Variants in VPS13B observed in about 807,000 individuals in gnomAD.
VPS13B encodes the protein vacuolar protein sorting 13 homolog B.
Under a neutral mutation model 426.4 loss-of-function variants are expected in VPS13B, and 285 were observed. The ratio of observed to expected loss-of-function variants is 0.67; its 90% CI spans 0.61 to 0.74. The LOEUF (loss-of-function observed/expected upper bound fraction) is 0.74, where lower values mean the gene tolerates loss of function less well. Ranked by LOEUF, VPS13B falls within the 30% of genes least tolerant of loss-of-function variation. The pLI is 0.00. For missense variants in VPS13B, 4,537 were observed against 4,782.6 expected (o/e 0.95, Z 1.51); for synonymous variants, 1,676 against 1,676.4 (o/e 1.00, Z 0.01).
intron 3 of VPS13B, among the ~76,000 whole-genome samples, chr8:99,040,858 G>C (rs534329825): frequency 4.6e-5 from 7 of 152,194 alleles, no homozygotes; most frequent in Admixed American, 2.6e-4. Context: ...AATCAGATAA[G>C]ATCATTCCAA....
At position 99,013,337 on chromosome 8, in the gene VPS13B, T is replaced by A. The variant is rs553602568; in HGVS notation, c.-40T>A. ...CTTGGAGGTGGAGGGGACGCGGCGG[T>A]ACTCTGGCGTGTGAGCCGAGGGTGG... On this transcript the variant is annotated 5_prime_UTR_variant, in exon 1 of 62. Coordinates refer to ENST00000357162, the MANE Select transcript of VPS13B (RefSeq NM_152564.5). 3.8e-6 allele frequency: 1 copy of A among 262,492 alleles called. No individual in the cohort carries two copies. The highest frequency in any genetic ancestry group is 7.5e-6 in the Non-Finnish European group (1 of 133,072). 16.3% of individuals were successfully genotyped at this position (262,492 alleles called of 1,614,324 possible). A position where few individuals can be genotyped will look rare whatever the true frequency, so the allele number is the denominator to read the frequency against.
intron 36 of VPS13B, among the ~76,000 whole-genome samples, chr8:99,716,355 C>T (rs1832920644): frequency 6.6e-6 from 1 of 152,002 alleles, no homozygotes; most frequent in African/African-American, 2.4e-5. Context: ...GAAAAATAAG[C>T]CATGGGCATT....
chr8:99,267,085 A>G (rs1818346883), intron 17 of VPS13B, among the ~76,000 whole-genome samples: 1 of 152,156 alleles, frequency 6.6e-6, no homozygotes, highest in Non-Finnish European at 1.5e-5. Flanking sequence ...AACTTCCTAG[A>G]GCTTTGGAAG....
intron 3 of VPS13B, among the ~76,000 whole-genome samples, chr8:99,054,687 T>C (rs1287585265): frequency 6.6e-6 from 1 of 152,206 alleles, no homozygotes; most frequent in Admixed American, 6.5e-5. Flanking sequence ...AGTTTTAAAG[T>C]TTTAGCTCTT....
chr8:99,595,154 A>G (rs752975639), intron 33 of VPS13B, among the ~76,000 whole-genome samples: 1 of 151,908 alleles, frequency 6.6e-6, no homozygotes, highest in Non-Finnish European at 1.5e-5. Context: ...TGAGTGCCCT[A>G]TATTTTTTTG....
At chr8:99,746,419 G>A (rs554456906) in intron 39 of VPS13B, among the ~76,000 whole-genome samples, 2 of 152,056 alleles carry the variant, frequency 1.3e-5, no homozygotes, top group Non-Finnish European at 2.9e-5. Context: ...ACTATGGTTT[G>A]TCAGCAATTT....
chr8:99,142,455 A>G (rs1810480713), intron 12 of VPS13B, among the ~76,000 whole-genome samples: 2 of 152,178 alleles, frequency 1.3e-5, no homozygotes, highest in Admixed American at 6.5e-5. Context: ...ATTCTGTACC[A>G]TGGAACATCG....
chr8:99,592,178 G>A (rs1018908335), intron 33 of VPS13B, among the ~76,000 whole-genome samples: 12 of 151,894 alleles, frequency 7.9e-5, no homozygotes, highest in African/African-American at 1.2e-4. Flanking sequence ...GTCATTTAAG[G>A]TCTTCTCTAC....
rs1435218164 is a variant in VPS13B at position 99,777,008 on chromosome 8, C to T, written c.7429+52C>T. On this transcript the variant is annotated intron_variant, in intron 41 of 61. Transcript: ENST00000357162. Reference sequence around the variant, plus strand: ...ACATCCATTTAATACTTACCATTTTCTCTTGAGTGTTTTCAAAAGAGAAGT... The same window carrying T: ...ACATCCATTTAATACTTACCATTTTTTCTTGAGTGTTTTCAAAAGAGAAGT... The T allele has an allele frequency of 2.6e-6, 4 of 1,568,536 alleles. No individual in the cohort carries two copies. The Middle Eastern group carries it at 5.0e-4, about 197-fold the overall frequency.
At chr8:99,274,424 C>T in intron 18 of VPS13B, 92 bp downstream of exon 18, 1 of 1,579,536 alleles carries the variant, frequency 6.3e-7, no homozygotes, top group Non-Finnish European at 8.7e-7. Flanking sequence ...CAAGAATTTA[C>T]TCACTGTTGC....
intron 23 of VPS13B, 26 bp from the exon 24 acceptor site, chr8:99,467,388 C>G: frequency 1.9e-6 from 3 of 1,602,800 alleles, no homozygotes; most frequent in Non-Finnish European, 2.6e-6. Context: ...GTGTGCTTCC[C>G]TATTCCCTTT....
intron 23 of VPS13B, among the ~76,000 whole-genome samples, chr8:99,456,322 C>T (rs1418278151): frequency 6.6e-6 from 1 of 152,004 alleles, no homozygotes; most frequent in Non-Finnish European, 1.5e-5. Flanking sequence ...GCGTGCACCA[C>T]TATGCCCAGC....
Position 99,467,311 on chromosome 8 carries a change from G to A in VPS13B, c.3446-103G>A, listed in dbSNP as rs902304018. The A allele has an allele frequency of 5.1e-6, 6 of 1,166,552 alleles. No individual in the cohort carries two copies. In the African/African-American group the frequency reaches 7.6e-5, roughly 15 times the overall value. 72.3% of individuals were successfully genotyped at this position (1,166,552 alleles called of 1,614,324 possible). A position where few individuals can be genotyped will look rare whatever the true frequency, so the allele number is the denominator to read the frequency against. On this transcript the variant is annotated intron_variant, in intron 23 of 61. Coordinates refer to ENST00000357162, the MANE Select transcript of VPS13B (RefSeq NM_152564.5). ...TACTATATTCACTTTTTATGATGCA[G>A]TATTAGTCATAAATGTTAAATGTTT...
At chr8:99,024,676 A>T (rs186452491) in intron 2 of VPS13B, among the ~76,000 whole-genome samples, 1 of 152,292 alleles carries the variant, frequency 6.6e-6, no homozygotes, top group East Asian at 1.9e-4. Flanking sequence ...GTTCTTATGC[A>T]AGTACCATGC....
At chr8:99,544,482 G>T (rs1203965664) in intron 30 of VPS13B, among the ~76,000 whole-genome samples, 1 of 151,888 alleles carries the variant, frequency 6.6e-6, no homozygotes, top group Non-Finnish European at 1.5e-5. Flanking sequence ...AAAAAATTCA[G>T]AAGTATTTAC....
At position 99,544,076 on chromosome 8, in the gene VPS13B, A is replaced by G. The variant is rs868732961; in HGVS notation, c.4746-12374A>G. Among the ~76,000 whole-genome samples, 7 of 147,862 alleles carry G rather than the reference A, an allele frequency of 4.7e-5. No individual in the cohort carries two copies. The South Asian group carries it at 1.6e-3, about 34-fold the overall frequency. ...TTGGAACCAACCCAAATGTCCAACA[A>G]TGCTAGACTGGATTAAGAAAATGTG... On this transcript the variant is annotated intron_variant, in intron 30 of 61. Coordinates refer to ENST00000357162, the MANE Select transcript of VPS13B (RefSeq NM_152564.5).
chr8:99,309,249 C>G (rs1820818217), intron 19 of VPS13B, among the ~76,000 whole-genome samples: 1 of 152,162 alleles, frequency 6.6e-6, no homozygotes. Flanking sequence ...GATATGAAGT[C>G]ATTGCCCATG....
intron 33 of VPS13B, among the ~76,000 whole-genome samples, chr8:99,587,668 G>T (rs1367780448): frequency 6.6e-6 from 1 of 151,400 alleles, no homozygotes; most frequent in Admixed American, 6.6e-5. Context: ...TGATGTGGTT[G>T]TTTGATTTTT....
At chr8:99,475,870 GCA>G (rs545338014) in intron 24 of VPS13B, among the ~76,000 whole-genome samples, 294 of 152,272 alleles carry the variant, frequency 1.9e-3, no homozygotes, top group African/African-American at 6.6e-3. Context: ...TGAACCTTAT[GCA>G]CTGAGAGTTC....
Sources: allele counts gnomAD v4.1 joint callset (sites outside exome capture counted in the v4.1 genomes callset), GRCh38; gene constraint gnomAD v4.1.1; transcripts MANE v1.5; gene names NCBI Gene and HGNC (gene_info 2026-07-23, HGNC 2026-07-21).